The following TRAF3 variants were observed in gnomAD, a reference collection of about 807,000 sequenced individuals.
The protein encoded by TRAF3 is TNF receptor associated factor 3.
TRAF3 carries 13 observed loss-of-function variants against 62.3 expected under a neutral mutation model. The observed-to-expected ratio is 0.21, with a 90% CI of 0.14 to 0.33. TRAF3 has a LOEUF of 0.33. Ranked by LOEUF, TRAF3 falls within the 10% of genes least tolerant of loss-of-function variation. TRAF3 has a pLI of 1.00. For missense variants in TRAF3, 440 were observed against 741.8 expected (o/e 0.59, Z 4.73); for synonymous variants, 269 against 283.4 (o/e 0.95, Z 0.51).
intron 1 of TRAF3, among the ~76,000 whole-genome samples, chr14:102,794,173 C>T (rs79811532): frequency 7.3e-6 from 1 of 136,956 alleles, no homozygotes; most frequent in South Asian, 2.4e-4. Flanking sequence ...CTCTCTCTCT[C>T]TTTCTTCTTT....
Position 102,884,674 on chromosome 14 carries a change from G to A in TRAF3, c.571-1515G>A, listed in dbSNP as rs144636491. Among the ~76,000 whole-genome samples the A allele has an allele frequency of 3.9e-3, 586 of 152,060 alleles. 11 individuals are homozygous for A. The highest frequency in any genetic ancestry group is 0.026 in the Admixed American group (397 of 15,274). ...AAAATACAAAAAATTAGCTGGGCAC[G>A]GTGATGTGTTGCCTGTAGTCCCAGC... is the stretch of plus-strand genomic sequence containing the variant. On this transcript the variant is annotated intron_variant, in intron 6 of 11. Coordinates refer to ENST00000392745, the MANE Select transcript of TRAF3 (RefSeq NM_145725.3).
chr14:102,900,180 G>GAAAAAA (rs56203426), intron 10 of TRAF3, among the ~76,000 whole-genome samples: 14 of 91,464 alleles, frequency 1.5e-4, no homozygotes, highest in South Asian at 4.4e-4. Flanking sequence ...CTCCGTCTCG[G>GAAAAAA]AAAAAAAAAA....
intron 2 of TRAF3, among the ~76,000 whole-genome samples, chr14:102,864,310 G>A (rs940753763): frequency 5.9e-5 from 9 of 151,952 alleles, no homozygotes; most frequent in Admixed American, 2.0e-4. Flanking sequence ...CACCACGCCC[G>A]GCTAATTTTT....
At chr14:102,904,013 C>G (rs1890448926) in intron 11 of TRAF3, 3 of 357,546 alleles carry the variant, frequency 8.4e-6, no homozygotes, top group Non-Finnish European at 1.7e-5. Flanking sequence ...GCAGCTTCGC[C>G]TCCAAGAGAG....
intron 1 of TRAF3, among the ~76,000 whole-genome samples, chr14:102,778,275 G>T (rs1897115714): frequency 1.3e-5 from 2 of 151,736 alleles, no homozygotes; most frequent in African/African-American, 4.8e-5. Flanking sequence ...GGCGGCTCCT[G>T]GCCGCGGGCT....
At chr14:102,859,263 A>G (rs986341171) in intron 2 of TRAF3, among the ~76,000 whole-genome samples, 1 of 151,544 alleles carries the variant, frequency 6.6e-6, no homozygotes, top group Non-Finnish European at 1.5e-5. Flanking sequence ...CTTTCCCTAC[A>G]CACCTTGCAT....
chr14:102,874,817 T>A (rs36056973), intron 4 of TRAF3, among the ~76,000 whole-genome samples: 1 of 151,976 alleles, frequency 6.6e-6, no homozygotes, highest in East Asian at 1.9e-4. Context: ...CTTGCCCAGC[T>A]AATTTTTTAA....
intron 1 of TRAF3, among the ~76,000 whole-genome samples, chr14:102,799,688 G>A (rs931724454): frequency 6.6e-6 from 1 of 152,142 alleles, no homozygotes. Flanking sequence ...TGCCCTCAAA[G>A]GACCTGCGTG....
intron 1 of TRAF3, among the ~76,000 whole-genome samples, chr14:102,789,602 G>GTGTA (rs1188214616): frequency 1.3e-5 from 2 of 151,372 alleles, no homozygotes; most frequent in African/African-American, 2.4e-5. Flanking sequence ...ATATGTGTGT[G>GTGTA]TGTGTGTGTG....
In TRAF3 at chr14:102,910,890, A is replaced by G. The variant is rs1466706300; in HGVS notation, c.*5106A>G. 1.3e-5 allele frequency: 2 copies of G among 152,266 alleles called. No homozygotes were observed. The highest frequency in any genetic ancestry group is 1.9e-4 in the East Asian group (1 of 5,204). The allele number at this position is 152,266 out of a possible 1,614,324, so 9.4% of individuals were successfully genotyped here. A position where few individuals can be genotyped will look rare whatever the true frequency, so the allele number is the denominator to read the frequency against. ...ACAAGTAAGATACCCTCCAACAGCAAATTCAATGACTTAATTGGAAAACAC... is the reference window on the plus strand; with the variant it reads ...ACAAGTAAGATACCCTCCAACAGCAGATTCAATGACTTAATTGGAAAACAC... On this transcript the variant is annotated 3_prime_UTR_variant, in exon 12 of 12. Coordinates refer to ENST00000392745, the MANE Select transcript of TRAF3 (RefSeq NM_145725.3).
At chr14:102,854,098 G>A (rs1887217718) in intron 2 of TRAF3, among the ~76,000 whole-genome samples, 1 of 152,120 alleles carries the variant, frequency 6.6e-6, no homozygotes, top group African/African-American at 2.4e-5. Flanking sequence ...GTCCATCCAT[G>A]TTGTAGCATA....
Position 102,858,848 on chromosome 14 carries a change from C to T in TRAF3, c.-17-11337C>T, listed in dbSNP as rs993611042. 2.6e-5 allele frequency among the ~76,000 whole-genome samples: 4 copies of T among 152,156 alleles called. No homozygotes were observed. In the South Asian group the frequency reaches 8.3e-4, roughly 32 times the overall value. ...TTTATACCAAATAAGCCAAATTTCA[C>T]CATTGCATTAGTGTACTATTAATGT... On this transcript the variant is annotated intron_variant, in intron 2 of 11. Coordinates refer to ENST00000392745, the MANE Select transcript of TRAF3 (RefSeq NM_145725.3).
chr14:102,860,101 T>A (rs938750250), intron 2 of TRAF3, among the ~76,000 whole-genome samples: 5 of 152,110 alleles, frequency 3.3e-5, no homozygotes, highest in Non-Finnish European at 7.4e-5. Context: ...TGGGGAAGGG[T>A]GAGGACATCT....
chr14:102,903,535 G>T lies in TRAF3; in HGVS notation c.1135+106G>T, dbSNP rs552560667. ...GCTATGTTAGGTACATGTGCCTTAG[G>T]ACAGTTTTTTCTAATTATGGGTAAC... On this transcript the variant is annotated intron_variant, in intron 11 of 11. Transcript: ENST00000392745. The surrounding 1 kb of genome is among the most constrained non-coding windows in gnomAD (Gnocchi z 6.4). The T allele has an allele frequency of 2.0e-6, 3 of 1,514,226 alleles. No individual in the cohort carries two copies. The East Asian group carries it at 7.1e-5, about 36-fold the overall frequency. 93.8% of individuals were successfully genotyped at this position (1,514,226 alleles called of 1,614,324 possible). A position where few individuals can be genotyped will look rare whatever the true frequency, so the allele number is the denominator to read the frequency against.
intron 9 of TRAF3, chr14:102,895,083 A>G (rs1202838369): frequency 6.6e-6 from 3 of 455,870 alleles, no homozygotes; most frequent in Non-Finnish European, 1.3e-5. Context: ...GGATATGAGA[A>G]TAAAGAGTCT....
intron 9 of TRAF3, among the ~76,000 whole-genome samples, chr14:102,895,395 T>TGAAATATTG (rs1889949943): frequency 6.6e-6 from 1 of 152,244 alleles, no homozygotes; most frequent in Non-Finnish European, 1.5e-5. Flanking sequence ...TGGCCAACTG[T>TGAAATATTG]GCCGAATATG....
At chr14:102,882,948 C>G (rs1889153244) in intron 6 of TRAF3, among the ~76,000 whole-genome samples, 2 of 152,316 alleles carry the variant, frequency 1.3e-5, no homozygotes, top group East Asian at 1.9e-4. Context: ...TTAAACAGCT[C>G]TGTTAACTTG....
chr14:102,845,720 G>A (rs1886665621), intron 2 of TRAF3, among the ~76,000 whole-genome samples: 1 of 151,668 alleles, frequency 6.6e-6, no homozygotes, highest in African/African-American at 2.4e-5. Flanking sequence ...GTTTCACCGT[G>A]TTAGCCAGGA....
chr14:102,789,741 A>G (rs1432573033), intron 1 of TRAF3, among the ~76,000 whole-genome samples: 1 of 150,748 alleles, frequency 6.6e-6, no homozygotes, highest in African/African-American at 2.4e-5. Context: ...TTTTCATGTG[A>G]CTCTTGGCCA....
Sources: allele counts gnomAD v4.1 joint callset (sites outside exome capture counted in the v4.1 genomes callset), GRCh38; gene constraint gnomAD v4.1.1; non-coding constraint Gnocchi (gnomAD v3.1); transcripts MANE v1.5; gene names NCBI Gene and HGNC (gene_info 2026-07-23, HGNC 2026-07-21).